The following SEMA6D variants were observed in gnomAD, a reference collection of about 807,000 sequenced individuals.
SEMA6D encodes the protein semaphorin 6D.
SEMA6D carries 35 observed loss-of-function variants against 106.6 expected under a neutral mutation model. The observed-to-expected ratio is 0.33, with a 90% CI of 0.25 to 0.44. The LOEUF (loss-of-function observed/expected upper bound fraction) is 0.44. SEMA6D is among the 20% of genes least tolerant of loss of function. The pLI is 1.00. For missense variants in SEMA6D, 1,185 were observed against 1,345.9 expected, an observed-to-expected ratio of 0.88 and a Z score of 1.87; for synonymous variants, 499 against 487.7, an observed-to-expected ratio of 1.02 and a Z score of -0.31.
intron 2 of SEMA6D, 80 bp from the exon 3 acceptor site, chr15:47,760,224 A>G: frequency 1.0e-6 from 1 of 966,748 alleles, no homozygotes; most frequent in Non-Finnish European, 1.6e-6. Context: ...TACAACAAGT[A>G]TATACAGCTA....
chr15:47,412,802 G>GT (rs1309104078), intron 2 of SEMA6D, among the ~76,000 whole-genome samples: 3 of 152,296 alleles, frequency 2.0e-5, no homozygotes, highest in Non-Finnish European at 4.4e-5. Context: ...GAGACACAGA[G>GT]TTTAAGATCA....
intron 1 of SEMA6D, among the ~76,000 whole-genome samples, chr15:47,365,925 A>AGAG (rs1265615467): frequency 1.7e-5 from 2 of 116,414 alleles, no homozygotes; most frequent in Non-Finnish European, 3.6e-5. Flanking sequence ...GAGAGAGAGA[A>AGAG]AAGAAAGAAA....
intron 1 of SEMA6D, among the ~76,000 whole-genome samples, chr15:47,309,057 G>T (rs10851450): frequency 0.43 from 65,679 of 151,966 alleles, 16,578 homozygotes; most frequent in Non-Finnish European, 0.56. Flanking sequence ...CTTATAATTA[G>T]AAAGTGCAGA....
intron 4 of SEMA6D, among the ~76,000 whole-genome samples, chr15:47,644,587 G>A (rs2077546976): frequency 6.6e-6 from 1 of 152,188 alleles, no homozygotes; most frequent in Non-Finnish European, 1.5e-5. Context: ...CTTACAAAGG[G>A]GCTTGATGGA....
At chr15:47,581,641 A>G (rs2076256353) in intron 3 of SEMA6D, among the ~76,000 whole-genome samples, 1 of 152,226 alleles carries the variant, frequency 6.6e-6, no homozygotes, top group South Asian at 2.1e-4. Context: ...TAAGCTTCAC[A>G]TGTTAGAGGA....
intron 4 of SEMA6D, among the ~76,000 whole-genome samples, chr15:47,694,332 C>G (rs946071189): frequency 2.0e-5 from 3 of 151,996 alleles, no homozygotes; most frequent in Admixed American, 1.3e-4. Context: ...AGTATATGTG[C>G]AAAAAGTCTA....
rs181818160 is a variant in SEMA6D, at chr15:47,292,019, T to C, written c.-239+107601T>C. ...ATATGCAGAATTTCTGCTCTTTGCT[T>C]CTCAGGAAATCTCTTTTCTCCAATG... On this transcript the variant is annotated intron_variant, in intron 1 of 19. Transcript: ENST00000558014. 5.3e-5 allele frequency among the ~76,000 whole-genome samples: 8 copies of C among 152,358 alleles called. No individual in the cohort carries two copies. The East Asian group carries it at 1.5e-3, about 29-fold the overall frequency.
At chr15:47,645,306 A>G (rs1349952067) in intron 4 of SEMA6D, among the ~76,000 whole-genome samples, 2 of 152,184 alleles carry the variant, frequency 1.3e-5, no homozygotes, top group Non-Finnish European at 2.9e-5. Flanking sequence ...ACAGGCCACC[A>G]TGGGTATTTT....
In SEMA6D at chr15:47,770,950, A is replaced by G. The variant is rs1393048164; in HGVS notation, c.2387A>G (p.His796Arg). 16 of 1,614,116 alleles carry G rather than the reference A, an allele frequency of 9.9e-6. No individual in the cohort carries two copies. Among genetic ancestry groups the G allele is most frequent in the Non-Finnish European group, 1.3e-5 (15 of 1,180,004 alleles). Residue 796 changes from histidine (H) to arginine (R), a missense_variant, in exon 19 of 19, where the codon CAT (histidine) becomes CGT (arginine). Physicochemically the swap from His to Arg is conservative, Grantham distance 29. Transcript: ENST00000536845. ...QAMKSHSEKA[H>R]GHGASRKETP... ...ATGAAGAGCCACTCAGAAAAGGCCC[A>G]TGGCCATGGAGCTTCAAGGAAAGAA...
At chr15:47,610,760 G>A (rs1055062765) in intron 4 of SEMA6D, among the ~76,000 whole-genome samples, 10 of 152,192 alleles carry the variant, frequency 6.6e-5, no homozygotes, top group East Asian at 3.9e-4. Context: ...CAGCACTTAC[G>A]TGTTTTTCCA....
intron 2 of SEMA6D, among the ~76,000 whole-genome samples, chr15:47,440,341 G>A (rs1208200178): frequency 1.3e-5 from 2 of 151,890 alleles, no homozygotes; most frequent in Non-Finnish European, 2.9e-5. Context: ...GCAGCAAATC[G>A]GGGATAGGGA....
chr15:47,411,091 T>TTTTTGTTTTG (rs750116188), intron 1 of SEMA6D, among the ~76,000 whole-genome samples: 1 of 151,760 alleles, frequency 6.6e-6, no homozygotes, highest in South Asian at 2.1e-4. Context: ...TTAGCTGAGT[T>TTTTTGTTTTG]TTTTGTTTTG....
intron 1 of SEMA6D, among the ~76,000 whole-genome samples, chr15:47,359,095 A>G (rs2038701668): frequency 6.6e-6 from 1 of 152,086 alleles, no homozygotes; most frequent in Non-Finnish European, 1.5e-5. Context: ...AGGACTAGAC[A>G]TGTTTTAAGG....
intron 3 of SEMA6D, among the ~76,000 whole-genome samples, chr15:47,515,831 A>G (rs1221351828): frequency 1.3e-5 from 2 of 152,194 alleles, no homozygotes; most frequent in East Asian, 3.8e-4. Context: ...CGACATTTTA[A>G]TATATTTTGA....
chr15:47,694,808 A>C (rs148666920), intron 4 of SEMA6D, among the ~76,000 whole-genome samples: 3 of 152,118 alleles, frequency 2.0e-5, no homozygotes, highest in Non-Finnish European at 2.9e-5. Flanking sequence ...TCATTTTTCT[A>C]TGATAGTGAC....
At chr15:47,623,923 C>T (rs974053670) in intron 4 of SEMA6D, among the ~76,000 whole-genome samples, 2 of 152,108 alleles carry the variant, frequency 1.3e-5, no homozygotes, top group African/African-American at 2.4e-5. Context: ...CTGAGAATGT[C>T]AGAATCCTGC....
At chr15:47,318,299 G>T in intron 1 of SEMA6D, among the ~76,000 whole-genome samples, 1 of 143,174 alleles carries the variant, frequency 7.0e-6, no homozygotes, top group Non-Finnish European at 1.5e-5. Context: ...TAAGTTTTAG[G>T]GTACATGTGC....
intron 3 of SEMA6D, among the ~76,000 whole-genome samples, chr15:47,486,417 C>T (rs1482657478): frequency 6.6e-6 from 1 of 152,198 alleles, no homozygotes; most frequent in African/African-American, 2.4e-5. Context: ...ATAAAGTTAT[C>T]TCCTATTGAG....
chr15:47,699,918 C>T (rs2078775581), intron 4 of SEMA6D, among the ~76,000 whole-genome samples: 1 of 152,136 alleles, frequency 6.6e-6, no homozygotes, highest in African/African-American at 2.4e-5. Flanking sequence ...AACTAATAAG[C>T]AATTATAACA....
Sources: allele counts gnomAD v4.1 joint callset (sites outside exome capture counted in the v4.1 genomes callset), GRCh38; gene constraint gnomAD v4.1.1; transcripts MANE v1.5; gene names NCBI Gene and HGNC (gene_info 2026-07-23, HGNC 2026-07-21).